Variants in SPOCK1 observed in about 807,000 individuals in gnomAD.
SPOCK1 encodes SPARC (osteonectin), cwcv and kazal like domains proteoglycan 1, also known as testican-1.
SPOCK1 carries 23 observed loss-of-function variants against 55.3 expected under a neutral mutation model. The observed-to-expected ratio is 0.42, with a 90% CI of 0.30 to 0.59. SPOCK1 has a LOEUF of 0.59. Ranked by LOEUF, SPOCK1 falls within the 20% of genes least tolerant of loss-of-function variation. The pLI is 0.22. For missense variants in SPOCK1, 499 were observed against 552.5 expected (o/e 0.90, Z 0.97); for synonymous variants, 226 against 221.0 (o/e 1.02, Z -0.20).
At chr5:137,148,074 G>T (rs1158080112) in intron 3 of SPOCK1, among the ~76,000 whole-genome samples, 7 of 152,078 alleles carry the variant, frequency 4.6e-5, no homozygotes, top group Non-Finnish European at 1.0e-4. Flanking sequence ...CCCACTCACA[G>T]ACCAGGGCCC....
chr5:137,451,305 A>G (rs1324732637), intron 2 of SPOCK1, among the ~76,000 whole-genome samples: 1 of 152,140 alleles, frequency 6.6e-6, no homozygotes, highest in Admixed American at 6.5e-5. Flanking sequence ...ACAACGCAGA[A>G]TGTTTTTCAA....
At chr5:137,150,254 C>T (rs1435203605) in intron 3 of SPOCK1, among the ~76,000 whole-genome samples, 1 of 152,162 alleles carries the variant, frequency 6.6e-6, no homozygotes, top group Non-Finnish European at 1.5e-5. Flanking sequence ...ACATCCACAC[C>T]ACTGATGAAG....
chr5:137,082,434 A>G (rs1048914826), intron 5 of SPOCK1, among the ~76,000 whole-genome samples: 4 of 152,198 alleles, frequency 2.6e-5, no homozygotes, highest in African/African-American at 9.7e-5. Flanking sequence ...GCTTATGGAG[A>G]AAGATCCACA....
intron 3 of SPOCK1, among the ~76,000 whole-genome samples, chr5:137,175,482 T>C (rs1470929651): frequency 6.6e-6 from 1 of 152,194 alleles, no homozygotes; most frequent in Non-Finnish European, 1.5e-5. Flanking sequence ...TACATGTTGG[T>C]TATGATTTGA....
chr5:137,222,160 G>A (rs1461173592), intron 3 of SPOCK1, among the ~76,000 whole-genome samples: 3 of 152,226 alleles, frequency 2.0e-5, no homozygotes, highest in Non-Finnish European at 4.4e-5. Flanking sequence ...AGCAGCTGCA[G>A]AGTATCAAGG....
At chr5:137,482,771 C>G (rs1288172133) in intron 2 of SPOCK1, among the ~76,000 whole-genome samples, 2 of 152,160 alleles carry the variant, frequency 1.3e-5, no homozygotes, top group Non-Finnish European at 2.9e-5. Context: ...AAACAAGAAT[C>G]AAGGGAGAAT....
chr5:137,305,939 CTCTCTT>C (rs1757694732), intron 2 of SPOCK1, among the ~76,000 whole-genome samples: 1 of 152,262 alleles, frequency 6.6e-6, no homozygotes, highest in African/African-American at 2.4e-5. Context: ...GTTAAGACCT[CTCTCTT>C]TCTATCTCAC....
At chr5:137,464,192 T>C (rs190990351) in intron 2 of SPOCK1, among the ~76,000 whole-genome samples, 139 of 152,034 alleles carry the variant, frequency 9.1e-4, no homozygotes, top group African/African-American at 3.2e-3. Context: ...TCCCAGCTAC[T>C]TGTGGGGGCT....
At chr5:137,314,769 T>C (rs901408406) in intron 2 of SPOCK1, among the ~76,000 whole-genome samples, 3 of 152,188 alleles carry the variant, frequency 2.0e-5, no homozygotes, top group Non-Finnish European at 4.4e-5. Flanking sequence ...ACGTTTTCCA[T>C]GTTCTCTTTA....
At chr5:137,210,193 C>T (rs1471069157) in intron 3 of SPOCK1, among the ~76,000 whole-genome samples, 2 of 152,160 alleles carry the variant, frequency 1.3e-5, no homozygotes, top group African/African-American at 4.8e-5. Context: ...AATTTCATTC[C>T]ATGCTCTGTC....
intron 2 of SPOCK1, among the ~76,000 whole-genome samples, chr5:137,391,078 A>C (rs1391320859): frequency 6.6e-6 from 1 of 151,982 alleles, no homozygotes; most frequent in Non-Finnish European, 1.5e-5. Flanking sequence ...CCCCAAGAGA[A>C]CTGGGTGTGT....
At chr5:137,004,613 C>T (rs949348832) in intron 6 of SPOCK1, among the ~76,000 whole-genome samples, 1 of 152,082 alleles carries the variant, frequency 6.6e-6, no homozygotes, top group South Asian at 2.1e-4. Context: ...ATTTAGAGAT[C>T]CAGTATCTAA....
At chr5:137,221,539 G>A (rs1027031082) in intron 3 of SPOCK1, among the ~76,000 whole-genome samples, 3 of 151,934 alleles carry the variant, frequency 2.0e-5, no homozygotes, top group East Asian at 1.9e-4. Flanking sequence ...CCTAATAACC[G>A]AGACCTTTAC....
chr5:137,323,785 C>T (rs1758023658), intron 2 of SPOCK1, among the ~76,000 whole-genome samples: 1 of 152,128 alleles, frequency 6.6e-6, no homozygotes, highest in South Asian at 2.1e-4. Context: ...TACGATATTA[C>T]CTCAACCTGC....
At chr5:137,366,414 A>G (rs1041227737) in intron 2 of SPOCK1, among the ~76,000 whole-genome samples, 1 of 152,016 alleles carries the variant, frequency 6.6e-6, no homozygotes, top group Non-Finnish European at 1.5e-5. Flanking sequence ...CCCCACAAAA[A>G]CCCTAGGAGG....
At chr5:137,331,604 G>A (rs1758184143) in intron 2 of SPOCK1, among the ~76,000 whole-genome samples, 1 of 152,204 alleles carries the variant, frequency 6.6e-6, no homozygotes, top group Admixed American at 6.5e-5. Flanking sequence ...CATGAAGGAA[G>A]ATGAGGCAGG....
chr5:137,405,730 T>G (rs538725288), intron 2 of SPOCK1, among the ~76,000 whole-genome samples: 3 of 152,228 alleles, frequency 2.0e-5, no homozygotes, highest in African/African-American at 7.2e-5. Context: ...GCTAATTCCT[T>G]TCCCAGTCTA....
chr5:137,398,566 T>C (rs1580903942), intron 2 of SPOCK1, among the ~76,000 whole-genome samples: 3 of 152,274 alleles, frequency 2.0e-5, no homozygotes, highest in South Asian at 4.1e-4. Flanking sequence ...CACATTCTTC[T>C]CTCAGGAAGA....
chr5:137,029,476 T>A (rs751113919), intron 6 of SPOCK1, among the ~76,000 whole-genome samples: 1 of 152,246 alleles, frequency 6.6e-6, no homozygotes, highest in Non-Finnish European at 1.5e-5. Flanking sequence ...AATTTATTTA[T>A]CCATTTTAAA....
Sources: gnomAD v4.1 joint callset for allele counts (sites outside exome capture counted in the v4.1 genomes callset) on GRCh38, gnomAD v4.1.1 for gene constraint, MANE v1.5 for transcripts, NCBI Gene and HGNC (gene_info 2026-07-23, HGNC 2026-07-21) for gene names.